The following FBXO27 variants were observed in gnomAD, a reference collection of about 807,000 sequenced individuals.
FBXO27 encodes the protein F-box protein 27.
In FBXO27, 28 loss-of-function variants were observed where a neutral mutation model predicts 28.3. That is an observed-to-expected ratio of 0.99 (90% CI 0.73 to 1.36). The LOEUF is 1.36. Ranked by LOEUF, FBXO27 falls within the 40% of genes most tolerant of loss-of-function variation. FBXO27 has a pLI of 0.00. For synonymous variants in FBXO27, 175 were observed against 167.3 expected (o/e 1.05, Z -0.36); for missense variants, 388 against 394.1 (o/e 0.98, Z 0.13).
At chr19:39,009,190 G>A (rs2072783561) in intron 2 of FBXO27, among the ~76,000 whole-genome samples, 1 of 152,202 alleles carries the variant, frequency 6.6e-6, no homozygotes, top group African/African-American at 2.4e-5. Context: ...CCATTCATCA[G>A]TTGAAGGACA....
intron 2 of FBXO27, among the ~76,000 whole-genome samples, chr19:39,013,919 A>G (rs2072807643): frequency 6.6e-6 from 1 of 152,058 alleles, no homozygotes; most frequent in African/African-American, 2.4e-5. Flanking sequence ...AGGCTGAGGC[A>G]GGAGAATGGC....
At chr19:39,010,582 C>T (rs1432172612) in intron 2 of FBXO27, among the ~76,000 whole-genome samples, 4 of 152,168 alleles carry the variant, frequency 2.6e-5, no homozygotes, top group East Asian at 1.9e-4. Flanking sequence ...CCGTAAGACA[C>T]GCTCATCAGT....
rs185287323 is a variant in FBXO27, at chr19:39,028,724, G to A, written c.573-1719C>T. On this transcript the variant is annotated intron_variant, in intron 4 of 5. Transcript: ENST00000292853. ...CTAAAAATACAAAAATTAGCCAGGCGTGGTGGTACACACCTGCAATCCGAG... is the reference window on the plus strand; with the variant it reads ...CTAAAAATACAAAAATTAGCCAGGCATGGTGGTACACACCTGCAATCCGAG... Among the ~76,000 whole-genome samples the A allele has an allele frequency of 2.9e-3, 445 of 152,182 alleles. 5 individuals carry two copies. Among genetic ancestry groups the A allele is most frequent in the Non-Finnish European group, 2.0e-3 (133 of 68,006 alleles).
intron 2 of FBXO27, among the ~76,000 whole-genome samples, chr19:39,010,933 TG>T (rs2072791311): frequency 6.6e-6 from 1 of 152,258 alleles, no homozygotes; most frequent in Admixed American, 6.5e-5. Flanking sequence ...AGTCTCACTT[TG>T]GGGCTCACTT....
chr19:39,010,454 C>T (rs1417184333), intron 2 of FBXO27, among the ~76,000 whole-genome samples: 2 of 152,116 alleles, frequency 1.3e-5, no homozygotes, highest in Non-Finnish European at 2.9e-5. Context: ...CGATTCTATT[C>T]CATTGATTTA....
chr19:39,007,126 C>T (rs184615588), intron 2 of FBXO27, among the ~76,000 whole-genome samples: 5 of 147,608 alleles, frequency 3.4e-5, no homozygotes, highest in East Asian at 2.0e-4. Flanking sequence ...CCCCTGGAGA[C>T]AGAGAGTTTA....
At chr19:39,009,252 T>A (rs2072783796) in intron 2 of FBXO27, among the ~76,000 whole-genome samples, 1 of 152,234 alleles carries the variant, frequency 6.6e-6, no homozygotes, top group Non-Finnish European at 1.5e-5. Context: ...TATGAACATT[T>A]GTGTATAAGA....
intron 2 of FBXO27, among the ~76,000 whole-genome samples, chr19:39,011,662 T>A (rs1375933490): frequency 1.4e-5 from 2 of 145,230 alleles, no homozygotes; most frequent in Non-Finnish European, 3.0e-5. Flanking sequence ...TACAACTAAT[T>A]TTCTTTTCTT....
At position 39,025,261 on chromosome 19, in the gene FBXO27, CAG is replaced by C. The variant is rs1276006380; in HGVS notation, c.*148_*149del. ...TCTGGTAGTTTCTAGAACCTGAAGA[CAG>C]GGCCCGTCAGGGCCTTTGATTGGAC... On this transcript the variant is annotated 3_prime_UTR_variant, in exon 6 of 6. Coordinates refer to ENST00000292853, the MANE Select transcript of FBXO27 (RefSeq NM_178820.5). The C allele has an allele frequency of 5.8e-6, 6 of 1,032,426 alleles. No individual in the cohort carries two copies. The African/African-American group carries it at 9.6e-5, about 17-fold the overall frequency. The allele number at this position is 1,032,426 out of a possible 1,614,324, so 64.0% of individuals were successfully genotyped here. A position where few individuals can be genotyped will look rare whatever the true frequency, so the allele number is the denominator to read the frequency against.
rs2072858826 is a variant in FBXO27 at position 39,024,093 on chromosome 19, GA to G, written c.*1317del. ...TGCTGATATATTATTCTTACTGTTT[GA>G]AAAAAAGTCAAAATAAAAATAATGT... is the stretch of plus-strand genomic sequence containing the variant. On this transcript the variant is annotated 3_prime_UTR_variant, in exon 6 of 6. Coordinates refer to ENST00000292853, the MANE Select transcript of FBXO27 (RefSeq NM_178820.5). 6.6e-6 allele frequency: 1 copy of G among 151,896 alleles called. No homozygotes were observed. Among genetic ancestry groups the G allele is most frequent in the African/African-American group, 2.4e-5 (1 of 41,386 alleles). 9.4% of individuals were successfully genotyped at this position (151,896 alleles called of 1,614,324 possible).
chr19:39,026,751 T>A, intron 5 of FBXO27, 119 bp downstream of exon 5: 1 of 1,462,212 alleles, frequency 6.8e-7, no homozygotes, highest in East Asian at 2.3e-5. Flanking sequence ...GGATTACAGG[T>A]GTGAGCCACC....
At chr19:39,028,679 G>A (rs1168368435) in intron 4 of FBXO27, among the ~76,000 whole-genome samples, 2 of 151,700 alleles carry the variant, frequency 1.3e-5, no homozygotes, top group Non-Finnish European at 2.9e-5. Context: ...CCTGGCCAAC[G>A]TGGCCAAACC....
chr19:39,013,678 G>C (rs773457656), intron 2 of FBXO27, among the ~76,000 whole-genome samples: 1 of 151,326 alleles, frequency 6.6e-6, no homozygotes, highest in African/African-American at 2.4e-5. Context: ...GAAATATAGA[G>C]CCAAGAAGCC....
At chr19:39,020,328 A>G (rs1429301799), downstream of FBXO27, among the ~76,000 whole-genome samples, 2 of 152,078 alleles carry the variant, frequency 1.3e-5, no homozygotes, top group African/African-American at 4.8e-5. Flanking sequence ...GGTTCCACCG[A>G]CGCTTTGTCC....
Position 39,025,293 on chromosome 19 carries a change from G to A in FBXO27, c.*118C>T. 1 of 1,373,630 alleles carries A rather than the reference G, an allele frequency of 7.3e-7. No individual in the cohort carries two copies. The highest frequency in any genetic ancestry group is 1.4e-5 in the South Asian group (1 of 69,342). 85.1% of individuals were successfully genotyped at this position (1,373,630 alleles called of 1,614,324 possible). A position where few individuals can be genotyped will look rare whatever the true frequency, so the allele number is the denominator to read the frequency against. On this transcript the variant is annotated 3_prime_UTR_variant, in exon 6 of 6. Coordinates refer to ENST00000292853, the MANE Select transcript of FBXO27 (RefSeq NM_178820.5). ...CGTCAGGGCCTTTGATTGGACCCAGGAATTCTCAGTATGCCAGGGAGGTAC... is the reference window on the plus strand; with the variant it reads ...CGTCAGGGCCTTTGATTGGACCCAGAAATTCTCAGTATGCCAGGGAGGTAC...
Position 39,025,316 on chromosome 19 carries a change from T to G in FBXO27, c.*95A>C. 6.8e-7 allele frequency: 1 copy of G among 1,471,950 alleles called. No individual in the cohort carries two copies. The allele number at this position is 1,471,950 out of a possible 1,614,324, so 91.2% of individuals were successfully genotyped here. A position where few individuals can be genotyped will look rare whatever the true frequency, so the allele number is the denominator to read the frequency against. On this transcript the variant is annotated 3_prime_UTR_variant, in exon 6 of 6. Coordinates refer to ENST00000292853, the MANE Select transcript of FBXO27 (RefSeq NM_178820.5). The stretch of plus-strand genomic sequence containing the variant: ...AGGAATTCTCAGTATGCCAGGGAGG[T>G]ACAAGTGCTTGGTTGGTTAATGAGG...
intron 4 of FBXO27, 184 bp downstream of exon 4, chr19:39,030,845 T>G: frequency 1.6e-6 from 1 of 636,996 alleles, no homozygotes. Flanking sequence ...TGACCTCAAG[T>G]GATCTGCCTG....
Position 39,032,013 on chromosome 19 carries a change from G to T in FBXO27, c.215C>A (p.Ala72Asp), listed in dbSNP as rs766644679. 2 of 1,523,598 alleles carry T rather than the reference G, an allele frequency of 1.3e-6. No individual in the cohort carries two copies. Among genetic ancestry groups the T allele is most frequent in the South Asian group, 2.5e-5 (2 of 80,740 alleles). The allele number at this position is 1,523,598 out of a possible 1,614,324, so 94.4% of individuals were successfully genotyped here. ...DGQALWLLIL[A>D]RDHGATGRAL... ...GCGGCCGGTGGCGCCGTGGTCGCGGGCCAGGATCAGCAGCCACAGGGCCTG... is the reference window on the plus strand; with the variant it reads ...GCGGCCGGTGGCGCCGTGGTCGCGGTCCAGGATCAGCAGCCACAGGGCCTG... The change falls in exon 2 of 6, where the codon GCC becomes GAC. Residue 72 changes from alanine to aspartate, a missense_variant. By Grantham distance (126) the Ala-to-Asp change is moderately radical (BLOSUM62 -2). Transcript: ENST00000292853. This position sits in a 1 kb window ranked among gnomAD's most constrained non-coding sequence, Gnocchi z 4.7.
At chr19:39,014,058 C>A (rs554804485) in intron 2 of FBXO27, among the ~76,000 whole-genome samples, 76 of 152,320 alleles carry the variant, frequency 5.0e-4, no homozygotes, top group East Asian at 1.9e-4. Flanking sequence ...TTATGTGATC[C>A]AGATGGTCCA....
Sources: gnomAD v4.1 joint callset for allele counts (sites outside exome capture counted in the v4.1 genomes callset) on GRCh38, gnomAD v4.1.1 for gene constraint, Gnocchi (gnomAD v3.1) non-coding constraint, MANE v1.5 for transcripts, NCBI Gene and HGNC (gene_info 2026-07-23, HGNC 2026-07-21) for gene names.